Variants in GRIK2 observed in about 807,000 individuals in gnomAD.
GRIK2 encodes glutamate ionotropic receptor kainate type subunit 2, also known as glutamate receptor ionotropic, kainate 2.
GRIK2 carries 32 observed loss-of-function variants against 100.3 expected under a neutral mutation model. That is an observed-to-expected ratio of 0.32 (90% CI 0.24 to 0.43). The LOEUF is 0.43. Among genes scored for constraint, GRIK2 ranks in the 20% least tolerant of loss-of-function variants. The probability of loss-of-function intolerance (pLI) is 1.00; values close to 1 mark genes in which losing one functional copy is unlikely to be tolerated. For missense variants in GRIK2, 843 were observed against 1,114.9 expected (o/e 0.76, Z 3.47); for synonymous variants, 417 against 389.4 (o/e 1.07, Z -0.83).
intron 2 of GRIK2, among the ~76,000 whole-genome samples, chr6:101,546,348 A>G (rs1776231399): frequency 6.6e-6 from 1 of 152,170 alleles, no homozygotes; most frequent in Non-Finnish European, 1.5e-5. Context: ...CTAATGATTA[A>G]CCTGATACCT....
chr6:101,406,219 A>AT (rs145136925), intron 2 of GRIK2, among the ~76,000 whole-genome samples: 108 of 150,562 alleles, frequency 7.2e-4, no homozygotes, highest in Middle Eastern at 3.4e-3. Flanking sequence ...TTTCTGCAGG[A>AT]TTTTTTTTTT....
At chr6:102,016,162 A>G (rs1795822953) in intron 14 of GRIK2, among the ~76,000 whole-genome samples, 1 of 152,192 alleles carries the variant, frequency 6.6e-6, no homozygotes, top group Admixed American at 6.5e-5. Flanking sequence ...GATTGCTGAA[A>G]TGACAGAAAT....
intron 3 of GRIK2, among the ~76,000 whole-genome samples, chr6:101,622,954 T>C (rs1780235279): frequency 6.6e-6 from 1 of 152,126 alleles, no homozygotes; most frequent in South Asian, 2.1e-4. Context: ...AATCTTATAG[T>C]AGGTGATCTT....
At chr6:101,763,113 C>G (rs1421999218) in intron 7 of GRIK2, among the ~76,000 whole-genome samples, 1 of 152,148 alleles carries the variant, frequency 6.6e-6, no homozygotes, top group Non-Finnish European at 1.5e-5. Context: ...AACATCAAGG[C>G]CATCCTCCAG....
At chr6:101,530,132 T>C (rs995270350) in intron 2 of GRIK2, among the ~76,000 whole-genome samples, 1 of 152,048 alleles carries the variant, frequency 6.6e-6, no homozygotes, top group African/African-American at 2.4e-5. Flanking sequence ...AAAATGATGA[T>C]TCAAATAACA....
At chr6:101,598,721 G>A (rs1048133245) in intron 2 of GRIK2, among the ~76,000 whole-genome samples, 5 of 151,124 alleles carry the variant, frequency 3.3e-5, no homozygotes, top group Non-Finnish European at 5.9e-5. Context: ...AAGGAATTCA[G>A]TAGTCAGCAA....
chr6:101,459,934 T>C (rs1197964515), intron 2 of GRIK2, among the ~76,000 whole-genome samples: 5 of 152,158 alleles, frequency 3.3e-5, no homozygotes, highest in Non-Finnish European at 4.4e-5. Context: ...TTTTTGTATT[T>C]GCAGTAGAGA....
intron 7 of GRIK2, among the ~76,000 whole-genome samples, chr6:101,704,248 A>G (rs1053724357): frequency 2.8e-4 from 42 of 151,784 alleles, no homozygotes; most frequent in African/African-American, 1.0e-3. Flanking sequence ...AGTTGCCAGT[A>G]TTTATAAACA....
chr6:101,592,318 A>T (rs180786457), intron 2 of GRIK2, among the ~76,000 whole-genome samples: 2 of 151,948 alleles, frequency 1.3e-5, no homozygotes, highest in East Asian at 2.0e-4. Flanking sequence ...AAAAAGCAGG[A>T]TTGGGCAAAT....
intron 10 of GRIK2, among the ~76,000 whole-genome samples, chr6:101,822,123 G>A (rs1015999247): frequency 3.3e-5 from 5 of 150,812 alleles, no homozygotes; most frequent in African/African-American, 1.2e-4. Context: ...GATATACTAA[G>A]CACTGTATTT....
intron 7 of GRIK2, among the ~76,000 whole-genome samples, chr6:101,738,222 T>G (rs1373727977): frequency 6.6e-6 from 1 of 152,118 alleles, no homozygotes; most frequent in Non-Finnish European, 1.5e-5. Context: ...CAATTGTAAT[T>G]GACAATTGTC....
chr6:101,580,487 C>T (rs889172539), intron 2 of GRIK2, among the ~76,000 whole-genome samples: 9 of 152,152 alleles, frequency 5.9e-5, no homozygotes, highest in Non-Finnish European at 1.2e-4. Context: ...CTCTAAGCCA[C>T]TATTATTTCA....
At chr6:101,462,155 A>G (rs1771344363) in intron 2 of GRIK2, among the ~76,000 whole-genome samples, 1 of 152,196 alleles carries the variant, frequency 6.6e-6, no homozygotes, top group African/African-American at 2.4e-5. Flanking sequence ...GGTTAGAATT[A>G]TTAGGGCCTA....
At chr6:101,592,938 T>G (rs634166) in intron 2 of GRIK2, among the ~76,000 whole-genome samples, 2 of 151,476 alleles carry the variant, frequency 1.3e-5, no homozygotes, top group African/African-American at 4.8e-5. Flanking sequence ...ATGAGCCACA[T>G]TAATTATTTG....
At chr6:101,412,033 A>G (rs1775908081) in intron 2 of GRIK2, among the ~76,000 whole-genome samples, 2 of 152,070 alleles carry the variant, frequency 1.3e-5, no homozygotes, top group Admixed American at 1.3e-4. Context: ...CTAATGGTCC[A>G]GAATCTAGGC....
intron 14 of GRIK2, among the ~76,000 whole-genome samples, chr6:101,952,179 T>G (rs1791642832): frequency 6.6e-6 from 1 of 152,232 alleles, no homozygotes; most frequent in African/African-American, 2.4e-5. Context: ...CCATCCAGTA[T>G]GTAACCTTTT....
chr6:101,816,843 C>G (rs1781662964), intron 9 of GRIK2, among the ~76,000 whole-genome samples: 1 of 152,162 alleles, frequency 6.6e-6, no homozygotes, highest in South Asian at 2.1e-4. Context: ...ACCGGAAACT[C>G]AACTAAAGCA....
chr6:101,548,081 C>G (rs989286849), intron 2 of GRIK2, among the ~76,000 whole-genome samples: 9 of 152,064 alleles, frequency 5.9e-5, no homozygotes, highest in Non-Finnish European at 1.0e-4. Flanking sequence ...TGATGATGAG[C>G]ATTTTTTCAT....
chr6:101,605,280 A>T (rs962083742), intron 2 of GRIK2, among the ~76,000 whole-genome samples: 1 of 151,948 alleles, frequency 6.6e-6, no homozygotes, highest in African/African-American at 2.4e-5. Context: ...TGAAAAATGG[A>T]TCAGTACTGA....
Sources: gnomAD v4.1 joint callset for allele counts (sites outside exome capture counted in the v4.1 genomes callset) on GRCh38, gnomAD v4.1.1 for gene constraint, MANE v1.5 for transcripts, NCBI Gene and HGNC (gene_info 2026-07-23, HGNC 2026-07-21) for gene names.